LEKR1: variants seen among roughly 807,000 people sequenced by gnomAD.
LEKR1 encodes protein LEKR1.
A neutral mutation model predicts 72.4 loss-of-function variants in LEKR1; 59 were observed. The ratio of observed to expected loss-of-function variants is 0.82; its 90% confidence interval spans 0.66 to 1.01. The LOEUF is 1.01. Among genes scored for constraint, LEKR1 ranks in the 50% least tolerant of loss-of-function variants. The probability of loss-of-function intolerance (pLI) is 0.00; values close to 1 mark genes in which losing one functional copy is unlikely to be tolerated. For missense variants in LEKR1, 728 were observed against 759.2 expected (o/e 0.96, Z 0.48); for synonymous variants, 257 against 263.2 (o/e 0.98, Z 0.23).
intron 3 of LEKR1, among the ~76,000 whole-genome samples, chr3:156,900,615 A>G (rs1171417766): frequency 6.6e-6 from 1 of 152,194 alleles, no homozygotes. Context: ...CAATGCAAAG[A>G]TATAGGACTT....
At chr3:156,932,338 A>T (rs1222488364) in intron 5 of LEKR1, among the ~76,000 whole-genome samples, 1 of 152,248 alleles carries the variant, frequency 6.6e-6, no homozygotes, top group Non-Finnish European at 1.5e-5. Flanking sequence ...ATGCATTTTT[A>T]TATGACAATA....
In LEKR1 at chr3:156,886,766, T is replaced by C. The variant is rs114116952; in HGVS notation, c.263+33784T>C. On this transcript the variant is annotated intron_variant, in intron 3 of 12. Transcript: ENST00000356539. ...GAAGTAGGTTTTCTCCCCTTCACACTTTGGCAACTCAGTTTTTCACCTGTT... is the reference window on the plus strand; with the variant it reads ...GAAGTAGGTTTTCTCCCCTTCACACCTTGGCAACTCAGTTTTTCACCTGTT... Among the ~76,000 whole-genome samples the C allele has an allele frequency of 2.7e-3, 414 of 152,364 alleles. 2 individuals are homozygous for C. Among genetic ancestry groups the C allele is most frequent in the African/African-American group, 9.5e-3 (395 of 41,582 alleles).
chr3:156,924,613 C>T, intron 4 of LEKR1: 1 of 576,072 alleles, frequency 1.7e-6, no homozygotes, highest in East Asian at 2.9e-5. Context: ...TGATCTATTT[C>T]AGCTAACTTC....
At chr3:156,853,551 A>T (rs1381964591) in intron 3 of LEKR1, among the ~76,000 whole-genome samples, 1 of 152,096 alleles carries the variant, frequency 6.6e-6, no homozygotes, top group African/African-American at 2.4e-5. Context: ...AGTTTTTCCT[A>T]TGAATGAAAA....
chr3:157,035,357 C>T (rs1193727228), intron 12 of LEKR1, among the ~76,000 whole-genome samples: 2 of 152,260 alleles, frequency 1.3e-5, no homozygotes, highest in East Asian at 3.9e-4. Flanking sequence ...GAGATGTCCT[C>T]CCAGTTCCCA....
Position 156,916,147 on chromosome 3 carries a change from G to T in LEKR1, c.264-4428G>T, listed in dbSNP as rs952440396. Among the ~76,000 whole-genome samples the T allele has an allele frequency of 3.3e-4, 50 of 152,058 alleles. 1 individual carries two copies. Among genetic ancestry groups the T allele is most frequent in the Non-Finnish European group, 8.8e-5 (6 of 68,000 alleles). On this transcript the variant is annotated intron_variant, in intron 3 of 12. Coordinates refer to ENST00000356539, the MANE Select transcript of LEKR1 (RefSeq NM_001004316.3). Reference sequence around the variant, plus strand: ...TCTGTTTTTGTGCCAGTACTATGCTGTTTTGCTTACTGTAGCCCCGTAGCA... The same window carrying T: ...TCTGTTTTTGTGCCAGTACTATGCTTTTTTGCTTACTGTAGCCCCGTAGCA...
intron 3 of LEKR1, among the ~76,000 whole-genome samples, chr3:156,897,987 G>A (rs961719000): frequency 1.3e-5 from 2 of 151,880 alleles, no homozygotes; most frequent in Non-Finnish European, 2.9e-5. Context: ...TGGAGACCAG[G>A]GTTCCTTTGA....
chr3:156,955,960 A>T lies in LEKR1; in HGVS notation c.745+13246A>T, dbSNP rs1727592945. ...GGATGTTCATACTGTAGAATAGTTA[A>T]AAAAAAAAAAAAGTAAGTAGCTTAC... On this transcript the variant is annotated intron_variant, in intron 6 of 12. Transcript: ENST00000356539. Among the ~76,000 whole-genome samples the T allele has an allele frequency of 3.5e-4, 3 of 8,554 alleles. No individual in the cohort carries two copies. The Admixed American group carries it at 4.3e-3, about 12-fold the overall frequency. The allele number at this position is 8,554 out of a possible 152,430, so 5.6% of individuals were successfully genotyped here.
chr3:156,952,236 A>G (rs961218727), intron 6 of LEKR1, among the ~76,000 whole-genome samples: 4 of 151,454 alleles, frequency 2.6e-5, no homozygotes, highest in African/African-American at 7.3e-5. Context: ...CAGGAGTTGT[A>G]GATTCCTGGA....
At chr3:156,964,042 G>A (rs563587618) in intron 6 of LEKR1, among the ~76,000 whole-genome samples, 5 of 152,150 alleles carry the variant, frequency 3.3e-5, no homozygotes, top group African/African-American at 9.7e-5. Flanking sequence ...CTTGCAAGAT[G>A]AGTTATAAGA....
chr3:156,873,739 A>G (rs989590251), intron 3 of LEKR1, among the ~76,000 whole-genome samples: 2 of 151,948 alleles, frequency 1.3e-5, no homozygotes, highest in Non-Finnish European at 2.9e-5. Flanking sequence ...TTTCTCCTAC[A>G]TTTATGAAAG....
At chr3:156,910,288 C>A (rs1390275837) in intron 3 of LEKR1, among the ~76,000 whole-genome samples, 1 of 152,164 alleles carries the variant, frequency 6.6e-6, no homozygotes, top group Non-Finnish European at 1.5e-5. Context: ...TACTGCTCTC[C>A]TTCCCTCCTT....
In LEKR1 at chr3:156,972,339, G is replaced by C. The variant is rs371417391; in HGVS notation, c.746-6855G>C. Among the ~76,000 whole-genome samples the C allele has an allele frequency of 9.3e-5, 14 of 150,536 alleles. No individual in the cohort carries two copies. In the East Asian group the frequency reaches 1.2e-3, roughly 13 times the overall value. On this transcript the variant is annotated intron_variant, in intron 6 of 12. Coordinates refer to ENST00000356539, the MANE Select transcript of LEKR1 (RefSeq NM_001004316.3). ...GGGAACATCACACACACGGGGGCCT[G>C]TTATGGGGTCGGAGGAGGGGGGAGG...
intron 7 of LEKR1, 135 bp downstream of exon 7, chr3:156,979,410 T>C (rs1264310776): frequency 1.0e-5 from 4 of 385,162 alleles, no homozygotes; most frequent in Non-Finnish European, 2.0e-5. Flanking sequence ...AGTGATTTAC[T>C]GGTGTGGGTA....
chr3:156,966,919 C>A (rs1458331754), intron 6 of LEKR1, among the ~76,000 whole-genome samples: 1 of 152,208 alleles, frequency 6.6e-6, no homozygotes, highest in African/African-American at 2.4e-5. Flanking sequence ...AGGTACTCGT[C>A]TGAGACAAAA....
intron 2 of LEKR1, among the ~76,000 whole-genome samples, chr3:156,847,098 A>G (rs1714709650): frequency 6.6e-6 from 1 of 152,190 alleles, no homozygotes; most frequent in Admixed American, 6.5e-5. Flanking sequence ...GTAAGCTACC[A>G]TGCTTGGCCA....
intron 6 of LEKR1, among the ~76,000 whole-genome samples, chr3:156,948,520 C>G (rs1576881124): frequency 6.6e-6 from 1 of 151,090 alleles, no homozygotes; most frequent in Non-Finnish European, 1.5e-5. Flanking sequence ...ATCTGAAGCT[C>G]TGACACTCTG....
chr3:156,939,355 G>T (rs1726000183), intron 5 of LEKR1, among the ~76,000 whole-genome samples: 1 of 152,142 alleles, frequency 6.6e-6, no homozygotes, highest in Non-Finnish European at 1.5e-5. Flanking sequence ...GTCGGAGAAG[G>T]AACCAATCCT....
intron 5 of LEKR1, among the ~76,000 whole-genome samples, chr3:156,929,803 G>A (rs1020493066): frequency 3.1e-4 from 47 of 152,124 alleles, no homozygotes; most frequent in Admixed American, 2.8e-3. Context: ...TCTGTTCTAA[G>A]CGTCATCTTG....
Sources: gnomAD v4.1 joint callset for allele counts (sites outside exome capture counted in the v4.1 genomes callset) on GRCh38, gnomAD v4.1.1 for gene constraint, MANE v1.5 for transcripts, NCBI Gene and HGNC (gene_info 2026-07-23, HGNC 2026-07-21) for gene names.